The following ATP2B2 variants were observed in gnomAD, a reference collection of about 807,000 sequenced individuals.
ATP2B2 encodes plasma membrane calcium-transporting ATPase 2.
A neutral mutation model predicts 120.0 loss-of-function variants in ATP2B2; 15 were observed. The observed-to-expected ratio is 0.12, with a 90% confidence interval of 0.08 to 0.19. The LOEUF (loss-of-function observed/expected upper bound fraction) is 0.19. Among genes scored for constraint, ATP2B2 ranks in the 10% least tolerant of loss-of-function variants. ATP2B2 has a pLI of 1.00. For missense variants in ATP2B2, 1,045 were observed against 1,719.8 expected (o/e 0.61, Z 6.94); for synonymous variants, 694 against 700.3 (o/e 0.99, Z 0.14).
intron 10 of ATP2B2, 102 bp downstream of exon 10, chr3:10,378,150 C>T (rs1203951687): frequency 2.0e-6 from 3 of 1,483,274 alleles, no homozygotes; most frequent in East Asian, 4.7e-5. Context: ...CATTCAAGCC[C>T]CCCACTTTGC....
chr3:10,495,432 T>C (rs1267073880), intron 1 of ATP2B2, among the ~76,000 whole-genome samples: 1 of 152,186 alleles, frequency 6.6e-6, no homozygotes, highest in Non-Finnish European at 1.5e-5. Context: ...ATGTTGCTCA[T>C]CTGTAAATGG....
chr3:10,400,897 C>T lies in ATP2B2; in HGVS notation c.781+56G>A, dbSNP rs2062197445. The T allele has an allele frequency of 6.2e-6, 10 of 1,610,906 alleles. No individual in the cohort carries two copies. In the South Asian group the frequency reaches 8.8e-5, roughly 14 times the overall value. Reference sequence around the variant, plus strand: ...CCTTCAGCCTCATGAAGGGGACACACAGGCATCCCCTGTGCATGGCGACGG... The same window carrying T: ...CCTTCAGCCTCATGAAGGGGACACATAGGCATCCCCTGTGCATGGCGACGG... On this transcript the variant is annotated intron_variant, in intron 5 of 22. Coordinates refer to ENST00000360273, the MANE Select transcript of ATP2B2 (RefSeq NM_001001331.4).
chr3:10,532,653 T>A (rs2067234270), intron 3 of ATP2B2, among the ~76,000 whole-genome samples: 2 of 152,240 alleles, frequency 1.3e-5, no homozygotes, highest in African/African-American at 2.4e-5. Context: ...AATAAATATG[T>A]GAGCAATTAT....
chr3:10,672,504 G>A (rs888003730), intron 1 of ATP2B2, among the ~76,000 whole-genome samples: 2 of 152,208 alleles, frequency 1.3e-5, no homozygotes, highest in Admixed American at 6.5e-5. Flanking sequence ...CAGCCCAGTG[G>A]CCTCTGTCAA....
intron 2 of ATP2B2, among the ~76,000 whole-genome samples, chr3:10,545,103 A>G (rs1368652454): frequency 5.3e-5 from 8 of 152,252 alleles, no homozygotes; most frequent in Non-Finnish European, 1.0e-4. Flanking sequence ...CTGAGAAACA[A>G]TGTTTCCCAG....
chr3:10,534,439 C>A (rs910935067), intron 2 of ATP2B2, among the ~76,000 whole-genome samples: 8 of 152,254 alleles, frequency 5.3e-5, no homozygotes, highest in Non-Finnish European at 7.3e-5. Flanking sequence ...CTTTCACTAA[C>A]ATGCATCGGG....
chr3:10,410,079 A>T (rs551169883), intron 3 of ATP2B2, among the ~76,000 whole-genome samples: 13 of 151,926 alleles, frequency 8.6e-5, no homozygotes, highest in African/African-American at 3.1e-4. Context: ...AAATCTGAGG[A>T]CTCTTTATTA....
rs764180886 is a variant in ATP2B2 at position 10,561,307 on chromosome 3, T to TA, written c.-414-27175dup. ...ACAAGTCAGTGGATGTATGGACATA[T>TA]AGCCAGAGTGGGACGAGGTGGGGCA... On this transcript the variant is annotated intron_variant, in intron 2 of 21. Transcript: ENST00000646379. Among the ~76,000 whole-genome samples the TA allele has an allele frequency of 5.9e-4, 90 of 152,320 alleles. 1 individual carries two copies. The highest frequency in any genetic ancestry group is 1.1e-3 in the Non-Finnish European group (78 of 68,028).
intron 1 of ATP2B2, among the ~76,000 whole-genome samples, chr3:10,695,238 A>T: frequency 1.1e-5 from 1 of 91,710 alleles, no homozygotes; most frequent in African/African-American, 8.4e-5. Flanking sequence ...TAGCAGGCAA[A>T]GGAGGGAGGG....
chr3:10,446,113 C>T (rs2063828560), intron 2 of ATP2B2, among the ~76,000 whole-genome samples: 1 of 152,172 alleles, frequency 6.6e-6, no homozygotes, highest in African/African-American at 2.4e-5. Context: ...CCTCATATCC[C>T]CCTCCATAAA....
intron 5 of ATP2B2, among the ~76,000 whole-genome samples, chr3:10,397,603 A>G (rs1050692482): frequency 6.6e-6 from 1 of 152,152 alleles, no homozygotes; most frequent in Non-Finnish European, 1.5e-5. Flanking sequence ...TTAAGTGGGC[A>G]AAGAGGAAGA....
chr3:10,420,400 CCT>C (rs2062935101), intron 2 of ATP2B2, among the ~76,000 whole-genome samples: 1 of 150,628 alleles, frequency 6.6e-6, no homozygotes, highest in South Asian at 2.1e-4. Flanking sequence ...TCGCTCTTGT[CCT>C]CCAGGCTGGA....
chr3:10,391,244 G>C (rs1183336965), intron 5 of ATP2B2, among the ~76,000 whole-genome samples: 1 of 152,176 alleles, frequency 6.6e-6, no homozygotes, highest in African/African-American at 2.4e-5. Context: ...CACTCTGCAG[G>C]TGAGGGGCAG....
intron 3 of ATP2B2, among the ~76,000 whole-genome samples, chr3:10,407,132 G>T (rs1188291149): frequency 6.6e-6 from 1 of 152,158 alleles, no homozygotes; most frequent in Non-Finnish European, 1.5e-5. Context: ...CACAACTCTG[G>T]GTGAGTCCCC....
Position 10,562,670 on chromosome 3 carries a change from G to A in ATP2B2, c.-414-28537C>T, listed in dbSNP as rs573423017. Among the ~76,000 whole-genome samples, 20 of 152,280 alleles carry A rather than the reference G, an allele frequency of 1.3e-4. No individual in the cohort carries two copies. In the South Asian group the frequency reaches 4.2e-3, roughly 32 times the overall value. ...AGGACTAGGAATTTTTGGACCTCAA[G>A]TTGATCATTGAATTGGTAGCAGTGT... On this transcript the variant is annotated intron_variant, in intron 2 of 21. Transcript: ENST00000646379.
chr3:10,549,314 A>T (rs547432775), intron 2 of ATP2B2, among the ~76,000 whole-genome samples: 2 of 151,998 alleles, frequency 1.3e-5, no homozygotes, highest in South Asian at 4.2e-4. Context: ...TCTTCCCTGG[A>T]CTCTGAGAGC....
At chr3:10,563,656 G>C (rs4684712) in intron 2 of ATP2B2, among the ~76,000 whole-genome samples, 36,642 of 152,214 alleles carry the variant, frequency 0.24, 4,572 homozygotes, top group South Asian at 0.34. Context: ...GGCTGATGCT[G>C]TGGCTGCTGC....
intron 2 of ATP2B2, among the ~76,000 whole-genome samples, chr3:10,432,835 T>C (rs959890245): frequency 3.3e-5 from 5 of 152,082 alleles, no homozygotes; most frequent in South Asian, 2.1e-4. Flanking sequence ...CCAGGGCGTG[T>C]ATAAGGAGGC....
chr3:10,383,226 G>T (rs1188909877), intron 8 of ATP2B2, among the ~76,000 whole-genome samples: 2 of 152,076 alleles, frequency 1.3e-5, no homozygotes, highest in Non-Finnish European at 2.9e-5. Context: ...ATCACATTTT[G>T]AATAGCAATG....
Sources: gnomAD v4.1 joint callset for allele counts (sites outside exome capture counted in the v4.1 genomes callset) on GRCh38, gnomAD v4.1.1 for gene constraint, MANE v1.5 for transcripts, NCBI Gene and HGNC (gene_info 2026-07-23, HGNC 2026-07-21) for gene names.